The following KCNC2 variants were observed in gnomAD, a reference collection of about 807,000 sequenced individuals.
KCNC2 encodes potassium voltage-gated channel subfamily C member 2.
In KCNC2, 21 loss-of-function variants were observed where a neutral mutation model predicts 44.5. That is an observed-to-expected ratio of 0.47 (90% CI 0.33 to 0.68). The LOEUF is 0.68. Ranked by LOEUF, KCNC2 falls within the 30% of genes least tolerant of loss-of-function variation. The pLI is 0.01. For missense variants in KCNC2, 589 were observed against 826.2 expected, an observed-to-expected ratio of 0.71 and a Z score of 3.52; for synonymous variants, 391 against 339.1, an observed-to-expected ratio of 1.15 and a Z score of -1.68.
At chr12:75,065,683 A>T (rs1752263550) in intron 2 of KCNC2, among the ~76,000 whole-genome samples, 1 of 152,128 alleles carries the variant, frequency 6.6e-6, no homozygotes, top group Non-Finnish European at 1.5e-5. Flanking sequence ...CATATAGCCT[A>T]GAAGTGTAGT....
intron 2 of KCNC2, among the ~76,000 whole-genome samples, chr12:75,089,067 G>T (rs1260976358): frequency 6.6e-6 from 1 of 151,708 alleles, no homozygotes; most frequent in African/African-American, 2.4e-5. Context: ...GACTACAAAT[G>T]TTCATAACAA....
At chr12:75,194,285 A>C (rs916515519) in intron 2 of KCNC2, among the ~76,000 whole-genome samples, 207 of 152,268 alleles carry the variant, frequency 1.4e-3, no homozygotes, top group African/African-American at 4.7e-3. Context: ...AGACCCATAC[A>C]CTGAGGGCAA....
chr12:75,053,193 G>A (rs1266532157), intron 2 of KCNC2, among the ~76,000 whole-genome samples: 1 of 151,950 alleles, frequency 6.6e-6, no homozygotes, highest in Non-Finnish European at 1.5e-5. Context: ...GTAGATTTAG[G>A]AGTCATGATT....
intron 2 of KCNC2, among the ~76,000 whole-genome samples, chr12:75,130,195 TATAATTTTATA>T (rs1888729723): frequency 6.6e-6 from 1 of 152,150 alleles, no homozygotes; most frequent in Admixed American, 6.6e-5. Context: ...TCTTATTTCA[TATAATTTTATA>T]AAGATGCACA....
chr12:75,119,456 A>G (rs1887899709), intron 2 of KCNC2, among the ~76,000 whole-genome samples: 1 of 152,178 alleles, frequency 6.6e-6, no homozygotes, highest in Admixed American at 6.5e-5. Context: ...CTGTAATATA[A>G]TATTATAATA....
At chr12:75,058,381 G>A (rs1425686251) in intron 2 of KCNC2, among the ~76,000 whole-genome samples, 1 of 151,528 alleles carries the variant, frequency 6.6e-6, no homozygotes, top group African/African-American at 2.4e-5. Flanking sequence ...AATTTGTCTT[G>A]GTATGATATG....
At chr12:75,127,896 T>C (rs1317018837) in intron 2 of KCNC2, among the ~76,000 whole-genome samples, 1 of 152,168 alleles carries the variant, frequency 6.6e-6, no homozygotes, top group Non-Finnish European at 1.5e-5. Flanking sequence ...AAAAATCTTA[T>C]TACCAGACTA....
chr12:75,143,038 G>C (rs1889766416), intron 2 of KCNC2, among the ~76,000 whole-genome samples: 2 of 152,144 alleles, frequency 1.3e-5, no homozygotes, highest in Non-Finnish European at 2.9e-5. Flanking sequence ...GATGTGGAAA[G>C]CCCTGATCAA....
intron 2 of KCNC2, among the ~76,000 whole-genome samples, chr12:75,185,902 C>T (rs971034263): frequency 5.0e-4 from 76 of 151,642 alleles, no homozygotes; most frequent in African/African-American, 1.4e-3. Context: ...AAAAATTAGC[C>T]GGTCATGGTG....
intron 2 of KCNC2, among the ~76,000 whole-genome samples, chr12:75,151,972 TTTATATA>T (rs922845298): frequency 5.5e-5 from 8 of 146,292 alleles, no homozygotes; most frequent in African/African-American, 9.9e-5. Context: ...ATATTATACA[TTTATATA>T]TTATATATTA....
intron 2 of KCNC2, among the ~76,000 whole-genome samples, chr12:75,080,932 C>T (rs916580633): frequency 2.6e-4 from 40 of 152,046 alleles, no homozygotes; most frequent in Admixed American, 2.0e-4. Flanking sequence ...TCAGAATTCC[C>T]ATATATTTAT....
At position 75,056,822 on chromosome 12, in the gene KCNC2, A is replaced by G. The variant is rs149475043; in HGVS notation, c.688-5505T>C. 7.9e-5 allele frequency among the ~76,000 whole-genome samples: 12 copies of G among 152,146 alleles called. No homozygotes were observed. In the East Asian group the frequency reaches 2.1e-3, roughly 27 times the overall value. ...GATACTGCAACATGTACTTACATGG[A>G]ATGGTCTCCAAGGAATCATGTTAAG... On this transcript the variant is annotated intron_variant, in intron 2 of 4. Transcript: ENST00000549446.
intron 2 of KCNC2, among the ~76,000 whole-genome samples, chr12:75,053,097 G>T (rs538010269): frequency 6.6e-6 from 1 of 152,158 alleles, no homozygotes; most frequent in African/African-American, 2.4e-5. Context: ...AAGATCCTAT[G>T]TACACATTAA....
At chr12:75,155,715 G>A (rs1449979116) in intron 2 of KCNC2, among the ~76,000 whole-genome samples, 1 of 151,548 alleles carries the variant, frequency 6.6e-6, no homozygotes, top group Admixed American at 6.6e-5. Context: ...AAGAACAGAA[G>A]ATGAATTAAT....
chr12:75,106,780 T>A, intron 2 of KCNC2, among the ~76,000 whole-genome samples: 1 of 152,194 alleles, frequency 6.6e-6, no homozygotes, highest in East Asian at 1.9e-4. Context: ...TAAATATTAT[T>A]CTTATCCCTA....
At position 75,041,220 on chromosome 12, in the gene KCNC2, C is replaced by T. The variant is rs781258871; in HGVS notation, c.*1885G>A. On this transcript the variant is annotated 3_prime_UTR_variant, in exon 5 of 5. Coordinates refer to ENST00000549446, the MANE Select transcript of KCNC2 (RefSeq NM_139137.4). ...TTCTGTACAACACTGTAGTCAATAA[C>T]AGCAGCACCAGACAGCATATTAATT... 1.3e-6 allele frequency: 2 copies of T among 1,595,140 alleles called. No homozygotes were observed. Among genetic ancestry groups the T allele is most frequent in the South Asian group, 2.2e-5 (2 of 90,984 alleles).
At chr12:75,197,489 T>C (rs1219635511) in intron 2 of KCNC2, among the ~76,000 whole-genome samples, 5 of 152,054 alleles carry the variant, frequency 3.3e-5, no homozygotes, top group African/African-American at 1.2e-4. Flanking sequence ...GGGTCTACAC[T>C]ATATCAATGT....
chr12:75,055,239 AAGAT>A (rs1336420457), intron 2 of KCNC2, among the ~76,000 whole-genome samples: 5 of 152,200 alleles, frequency 3.3e-5, no homozygotes, highest in African/African-American at 9.7e-5. Context: ...GGAAATGAAT[AAGAT>A]AGACCACATT....
chr12:75,143,732 T>A (rs1375164193), intron 2 of KCNC2, among the ~76,000 whole-genome samples: 4 of 152,204 alleles, frequency 2.6e-5, no homozygotes, highest in South Asian at 4.1e-4. Flanking sequence ...AGAACTGTAT[T>A]TTTAAAAAAC....
Sources: allele counts gnomAD v4.1 joint callset (sites outside exome capture counted in the v4.1 genomes callset), GRCh38; gene constraint gnomAD v4.1.1; transcripts MANE v1.5; gene names NCBI Gene and HGNC (gene_info 2026-07-23, HGNC 2026-07-21).